The following CLDN14 variants were observed in gnomAD, a reference collection of about 807,000 sequenced individuals.
CLDN14 encodes claudin-14.
In CLDN14, 2 loss-of-function variants were observed where a neutral mutation model predicts 2.1. The ratio of observed to expected loss-of-function variants is 0.96; its 90% CI spans 0.39 to 3.01. The LOEUF (loss-of-function observed/expected upper bound fraction) is 3.01. CLDN14 is among the 30% of genes most tolerant of loss of function. The pLI is 0.09. For synonymous variants in CLDN14, 136 were observed against 154.4 expected (o/e 0.88, Z 0.88); for missense variants, 298 against 328.0 (o/e 0.91, Z 0.71).
At chr21:36,485,938 C>T (rs1338544105) in intron 2 of CLDN14, 3 of 1,141,582 alleles carry the variant, frequency 2.6e-6, no homozygotes, top group Non-Finnish European at 3.8e-6. Flanking sequence ...TCTCTGCGTC[C>T]CATGCAGTCC....
chr21:36,500,027 T>A (rs1601613427), intron 2 of CLDN14, among the ~76,000 whole-genome samples: 2 of 152,002 alleles, frequency 1.3e-5, no homozygotes, highest in African/African-American at 4.8e-5. Context: ...TCATTTATAA[T>A]GTTTGCTTTG....
At chr21:36,515,576 G>A (rs1381340319) in intron 1 of CLDN14, among the ~76,000 whole-genome samples, 1 of 151,178 alleles carries the variant, frequency 6.6e-6, no homozygotes, top group African/African-American at 2.4e-5. Flanking sequence ...AGGAGGCTGA[G>A]GCAGGAGAAT....
At chr21:36,559,134 T>A (rs1056007436) in intron 1 of CLDN14, among the ~76,000 whole-genome samples, 3 of 152,118 alleles carry the variant, frequency 2.0e-5, no homozygotes, top group Non-Finnish European at 4.4e-5. Context: ...ATGGCCTTTA[T>A]GTTTAGGTCA....
At chr21:36,555,841 G>A (rs1189659125) in intron 1 of CLDN14, among the ~76,000 whole-genome samples, 1 of 149,398 alleles carries the variant, frequency 6.7e-6, no homozygotes, top group East Asian at 1.9e-4. Context: ...GTGTGTGTGT[G>A]TGTGTGTGTG....
At chr21:36,511,596 A>G (rs1223799969) in intron 1 of CLDN14, among the ~76,000 whole-genome samples, 1 of 152,036 alleles carries the variant, frequency 6.6e-6, no homozygotes, top group Non-Finnish European at 1.5e-5. Flanking sequence ...TCTGGCCCAC[A>G]CTTCGAGAGT....
chr21:36,471,821 G>T (rs1226804916), intron 1 of CLDN14, among the ~76,000 whole-genome samples: 1 of 128,216 alleles, frequency 7.8e-6, no homozygotes, highest in African/African-American at 3.0e-5. Context: ...ATTGAACTGG[G>T]GATAAACTGC....
chr21:36,532,227 C>G (rs868509260), intron 1 of CLDN14: 2 of 152,170 alleles, frequency 1.3e-5, no homozygotes, highest in Non-Finnish European at 1.5e-5. Flanking sequence ...GGCATGAGCC[C>G]GTCACCAGGC....
intron 2 of CLDN14, among the ~76,000 whole-genome samples, chr21:36,501,334 T>TTTTTTTTTG (rs2087090518): frequency 6.9e-5 from 3 of 43,306 alleles, no homozygotes. Context: ...ATATCTCACT[T>TTTTTTTTTG]TTTTTTTTTT....
At chr21:36,508,999 C>T (rs781041510) in intron 2 of CLDN14, among the ~76,000 whole-genome samples, 56 of 152,196 alleles carry the variant, frequency 3.7e-4, no homozygotes, top group Admixed American at 8.5e-4. Flanking sequence ...CCCCGCTGGC[C>T]CTTTCTTCCT....
chr21:36,489,131 A>AAAAAATATATAT, intron 2 of CLDN14, among the ~76,000 whole-genome samples: 4 of 62,738 alleles, frequency 6.4e-5, no homozygotes, highest in Non-Finnish European at 8.9e-5. Flanking sequence ...AAAAAAAAAA[A>AAAAAATATATAT]ATATATATAT....
intron 1 of CLDN14, among the ~76,000 whole-genome samples, chr21:36,473,290 T>C (rs1359226752): frequency 6.6e-6 from 1 of 152,194 alleles, no homozygotes; most frequent in Non-Finnish European, 1.5e-5. Context: ...TCCCACTATG[T>C]TGCCCAGCCT....
At chr21:36,558,490 A>C (rs917760784) in intron 1 of CLDN14, among the ~76,000 whole-genome samples, 5 of 62,898 alleles carry the variant, frequency 7.9e-5, no homozygotes, top group African/African-American at 1.8e-4. Flanking sequence ...TTCAGCATAC[A>C]AGACTTTTAC....
At chr21:36,461,853 C>T (rs1396421299) in intron 1 of CLDN14, 77 bp from the exon 2 acceptor site, 1 of 1,032,338 alleles carries the variant, frequency 9.7e-7, no homozygotes, top group African/African-American at 1.6e-5. Context: ...TTATTTCTGT[C>T]ACCGAAACCA....
chr21:36,507,619 T>C (rs1359487294), intron 2 of CLDN14, among the ~76,000 whole-genome samples: 4 of 151,956 alleles, frequency 2.6e-5, no homozygotes, highest in African/African-American at 9.7e-5. Flanking sequence ...CAAAAATTAG[T>C]TGGGTGTGGT....
chr21:36,523,672 C>T (rs143219193), intron 1 of CLDN14, among the ~76,000 whole-genome samples: 1,505 of 149,002 alleles, frequency 0.01, 19 homozygotes, highest in Non-Finnish European at 0.014. Flanking sequence ...CGCTTGGACC[C>T]GGGAGGTGGA....
chr21:36,517,012 G>T (rs2087233514), intron 1 of CLDN14, among the ~76,000 whole-genome samples: 1 of 151,556 alleles, frequency 6.6e-6, no homozygotes, highest in Non-Finnish European at 1.5e-5. Flanking sequence ...GCTAATTTTA[G>T]TATTTTTAGT....
At chr21:36,563,184 CTGTTTTG>C (rs567144874) in intron 1 of CLDN14, among the ~76,000 whole-genome samples, 3 of 152,188 alleles carry the variant, frequency 2.0e-5, no homozygotes, top group Non-Finnish European at 4.4e-5. Context: ...ATGCATGACA[CTGTTTTG>C]AAAAGTTAAT....
intron 1 of CLDN14, among the ~76,000 whole-genome samples, chr21:36,573,389 G>A (rs1029533352): frequency 5.3e-5 from 8 of 151,892 alleles, no homozygotes; most frequent in African/African-American, 1.7e-4. Flanking sequence ...TATAGAAAAG[G>A]GTGTGAATTA....
intron 1 of CLDN14, among the ~76,000 whole-genome samples, chr21:36,512,662 C>T (rs2087195328): frequency 1.3e-5 from 2 of 152,148 alleles, no homozygotes; most frequent in African/African-American, 4.8e-5. Flanking sequence ...AAGCAAAGCA[C>T]ACAGATGTGT....
Sources: allele counts gnomAD v4.1 joint callset (sites outside exome capture counted in the v4.1 genomes callset), GRCh38; gene constraint gnomAD v4.1.1; transcripts MANE v1.5; gene names NCBI Gene and HGNC (gene_info 2026-07-23, HGNC 2026-07-21).